PPP2R1B: variants seen among roughly 807,000 people sequenced by gnomAD.
PPP2R1B encodes serine/threonine-protein phosphatase 2A 65 kDa regulatory subunit A beta isoform.
PPP2R1B carries 58 observed loss-of-function variants against 72.7 expected under a neutral mutation model. That is an observed-to-expected ratio of 0.80 (90% CI 0.65 to 0.99). The LOEUF is 0.99. PPP2R1B is among the 50% of genes least tolerant of loss of function. PPP2R1B has a pLI of 0.00. For synonymous variants in PPP2R1B, 256 were observed against 264.6 expected (o/e 0.97, Z 0.32); for missense variants, 695 against 733.6 (o/e 0.95, Z 0.61).
chr11:111,737,482 G>A (rs890399650), downstream of PPP2R1B: 11 of 1,614,110 alleles, frequency 6.8e-6, no homozygotes, highest in African/African-American at 1.1e-4. Flanking sequence ...TGTGGGTCTT[G>A]GGAAGTGGTT....
intron 11 of PPP2R1B, among the ~76,000 whole-genome samples, chr11:111,744,081 G>C (rs554276665): frequency 6.6e-6 from 1 of 152,142 alleles, no homozygotes; most frequent in Non-Finnish European, 1.5e-5. Context: ...CATGTATCCA[G>C]GACACAAACA....
rs997321806 is a variant in PPP2R1B at position 111,743,248 on chromosome 11, T to C, written c.1554+128A>G. ...AATTGACATTTTCTCTCATCTCCTG[T>C]CTATTCCAATTAATCAATACAAGAC... is the stretch of plus-strand genomic sequence containing the variant. On this transcript the variant is annotated intron_variant, in intron 12 of 14. Transcript: ENST00000527614. 141 of 982,688 alleles carry C rather than the reference T, an allele frequency of 1.4e-4. No individual in the cohort carries two copies. The East Asian group carries it at 3.7e-3, about 26-fold the overall frequency. 60.9% of individuals were successfully genotyped at this position (982,688 alleles called of 1,614,324 possible). A position where few individuals can be genotyped will look rare whatever the true frequency, so the allele number is the denominator to read the frequency against.
At chr11:111,751,793 C>A (rs1218356335) in intron 10 of PPP2R1B, among the ~76,000 whole-genome samples, 1 of 152,156 alleles carries the variant, frequency 6.6e-6, no homozygotes, top group Non-Finnish European at 1.5e-5. Context: ...GCCTGACCAA[C>A]ATGGTAAAAC....
At chr11:111,705,438 C>T in the PPP2R1B span, among the ~76,000 whole-genome samples, 13 of 152,164 alleles carry the variant, frequency 8.5e-5, no homozygotes, top group African/African-American at 2.4e-4. This position sits in a 1 kb window ranked among gnomAD's most constrained non-coding sequence, Gnocchi z 4.3. Flanking sequence ...TTACCACGTG[C>T]GAGCTTCTAT....
chr11:111,720,046 A>G, the PPP2R1B span: 7 of 1,568,652 alleles, frequency 4.5e-6, no homozygotes, highest in East Asian at 2.3e-5. Flanking sequence ...TCATGGCATC[A>G]TGTCATACTC....
chr11:111,720,624 A>G, the PPP2R1B span: 17 of 1,613,946 alleles, frequency 1.1e-5, no homozygotes, highest in Non-Finnish European at 1.4e-5. Flanking sequence ...TTCACCCCGC[A>G]TGACATCTCC....
chr11:111,758,594 A>G (rs543317635), intron 5 of PPP2R1B, among the ~76,000 whole-genome samples: 3 of 152,152 alleles, frequency 2.0e-5, no homozygotes, highest in Non-Finnish European at 4.4e-5. Context: ...TTTTAAAAAA[A>G]GAAAAGAAAA....
In PPP2R1B at chr11:111,738,793, G is replaced by A. The variant is rs970540286; in HGVS notation, c.*2803C>T. The A allele has an allele frequency of 2.7e-5, 27 of 985,334 alleles. No individual in the cohort carries two copies. Among genetic ancestry groups the A allele is most frequent in the Non-Finnish European group, 3.0e-5 (25 of 829,964 alleles). The allele number at this position is 985,334 out of a possible 1,614,324, so 61.0% of individuals were successfully genotyped here. On this transcript the variant is annotated 3_prime_UTR_variant, in exon 15 of 15. Transcript: ENST00000527614. ...ACAAGACCTGGTCTCTTAAACCTGTGAGGGGTAAACCCCACACAAATTACA... is the reference window on the plus strand; with the variant it reads ...ACAAGACCTGGTCTCTTAAACCTGTAAGGGGTAAACCCCACACAAATTACA...
chr11:111,733,754 G>A (rs890938748), downstream of PPP2R1B, among the ~76,000 whole-genome samples: 1 of 152,160 alleles, frequency 6.6e-6, no homozygotes, highest in Non-Finnish European at 1.5e-5. Context: ...CCTTCCAGTC[G>A]CTACAGAGCC....
rs369559748 is a variant in PPP2R1B at position 111,747,983 on chromosome 11, G to T, written c.1370C>A (p.Ser457Tyr). The T allele has an allele frequency of 2.5e-6, 4 of 1,613,370 alleles. No homozygotes were observed. Among genetic ancestry groups the T allele is most frequent in the East Asian group, 2.2e-5 (1 of 44,850 alleles). Residue 457 changes from serine (S) to tyrosine (Y), a missense_variant, in exon 11 of 15, where the codon TCT (serine) becomes TAT (tyrosine). Transcript: ENST00000527614. The part of the protein sequence containing the change: ...GVEFFDEKLN[S>Y]LCMAWLVDHV... ...GTCCACGAGCCAAGCCATACATAAAGAATTCAGCTTTTCATCAAAGAATTC... is the reference window on the plus strand; with the variant it reads ...GTCCACGAGCCAAGCCATACATAAATAATTCAGCTTTTCATCAAAGAATTC...
chr11:111,753,631 T>A, intron 8 of PPP2R1B, 54 bp from the exon 9 acceptor site: 1 of 1,532,274 alleles, frequency 6.5e-7, no homozygotes, highest in Non-Finnish European at 8.9e-7. Context: ...GAAACTTCCA[T>A]ACCATTATTC....
At position 111,742,518 on chromosome 11, in the gene PPP2R1B, C is replaced by A. The variant is rs1944559053; in HGVS notation, c.1697+5G>T. On this transcript the variant is annotated splice_donor_5th_base_variant and intron_variant, in intron 13 of 14. Transcript: ENST00000527614. ...TTAAAACAAGACTAAACACTAAAAT[C>A]TTACTTGGTATCTAGAATTGGTCCA... 6.2e-7 allele frequency: 1 copy of A among 1,611,554 alleles called. No homozygotes were observed. Among genetic ancestry groups the A allele is most frequent in the Non-Finnish European group, 8.5e-7 (1 of 1,178,924 alleles).
chr11:111,721,023 G>A, the PPP2R1B span: 67 of 1,613,970 alleles, frequency 4.2e-5, no homozygotes, highest in Non-Finnish European at 5.2e-5. Flanking sequence ...TGGCGCCGGC[G>A]GCTCCTCAGC....
At chr11:111,703,532 T>C in the PPP2R1B span, 1 of 883,854 alleles carries the variant, frequency 1.1e-6, no homozygotes, top group Non-Finnish European at 1.8e-6. Context: ...CGCCTAGGCG[T>C]ACTGTTCAGT....
At chr11:111,724,707 G>A (rs1162709522), downstream of PPP2R1B, 1 of 154,850 alleles carries the variant, frequency 6.5e-6, no homozygotes, top group Admixed American at 6.3e-5. Flanking sequence ...AGTGGGGCAT[G>A]AGCTGTGTTT....
the PPP2R1B span, chr11:111,703,463 C>G: frequency 6.3e-7 from 1 of 1,581,556 alleles, no homozygotes; most frequent in Non-Finnish European, 8.7e-7. Flanking sequence ...CTGCACTTAG[C>G]TACTTGAAAT....
downstream of PPP2R1B, chr11:111,723,419 A>G (rs2135979168): frequency 7.0e-7 from 1 of 1,432,764 alleles, no homozygotes; most frequent in East Asian, 2.3e-5. Flanking sequence ...GAAGCTAGTG[A>G]CTGGTATTGC....
intron 14 of PPP2R1B, 138 bp downstream of exon 14, chr11:111,741,915 C>A (rs1297035570): frequency 2.3e-6 from 2 of 854,340 alleles, no homozygotes; most frequent in South Asian, 1.4e-5. Flanking sequence ...CAGAGAGACA[C>A]CAGCATTCCA....
At chr11:111,744,720 G>A (rs1446265918) in intron 11 of PPP2R1B, among the ~76,000 whole-genome samples, 2 of 152,164 alleles carry the variant, frequency 1.3e-5, no homozygotes, top group African/African-American at 4.8e-5. Flanking sequence ...CACAGTCCCA[G>A]TCCTAGGCAA....
Sources: allele counts gnomAD v4.1 joint callset (sites outside exome capture counted in the v4.1 genomes callset), GRCh38; gene constraint gnomAD v4.1.1; non-coding constraint Gnocchi (gnomAD v3.1); transcripts MANE v1.5; gene names NCBI Gene and HGNC (gene_info 2026-07-23, HGNC 2026-07-21).